The following CHSY1 variants were observed in gnomAD, a reference collection of about 807,000 sequenced individuals.
CHSY1 encodes N-acetylgalactosaminyl-proteoglycan 3-beta-glucuronosyltransferase 1.
Under a neutral mutation model 59.8 loss-of-function variants are expected in CHSY1, and 13 were observed. The observed-to-expected ratio is 0.22, with a 90% CI of 0.14 to 0.35. The LOEUF (loss-of-function observed/expected upper bound fraction) is 0.35. Among genes scored for constraint, CHSY1 ranks in the 10% least tolerant of loss-of-function variants. CHSY1 has a pLI of 1.00. For missense variants in CHSY1, 947 were observed against 1,030.6 expected, an observed-to-expected ratio of 0.92 and a Z score of 1.11; for synonymous variants, 459 against 401.2, an observed-to-expected ratio of 1.14 and a Z score of -1.72.
At chr15:101,237,381 G>A (rs940500483) in intron 1 of CHSY1, among the ~76,000 whole-genome samples, 6 of 152,254 alleles carry the variant, frequency 3.9e-5, no homozygotes, top group Admixed American at 3.3e-4. Flanking sequence ...AACTCCCTAG[G>A]AATGGAGAAG....
chr15:101,202,715 T>G (rs1450437560), intron 2 of CHSY1, among the ~76,000 whole-genome samples: 1 of 152,090 alleles, frequency 6.6e-6, no homozygotes, highest in African/African-American at 2.4e-5. Flanking sequence ...TCATTTAGGA[T>G]TTTTTTTAAC....
intron 2 of CHSY1, among the ~76,000 whole-genome samples, chr15:101,203,059 G>A (rs988457316): frequency 3.3e-5 from 5 of 152,154 alleles, no homozygotes; most frequent in African/African-American, 9.7e-5. Context: ...ATTCAGTAAC[G>A]GCTATTTTCA....
intron 2 of CHSY1, among the ~76,000 whole-genome samples, chr15:101,191,476 T>C (rs112728325): frequency 2.7e-4 from 41 of 152,350 alleles, no homozygotes; most frequent in Middle Eastern, 3.4e-3. Flanking sequence ...AACTGTTCTG[T>C]ATGATACATA....
chr15:101,238,972 C>A (rs1431270047), intron 1 of CHSY1, among the ~76,000 whole-genome samples: 1 of 152,206 alleles, frequency 6.6e-6, no homozygotes, highest in Non-Finnish European at 1.5e-5. Context: ...TATACAGAGT[C>A]TTCTGATGCG....
chr15:101,178,385 G>A lies in CHSY1; in HGVS notation c.1412C>T (p.Ala471Val), dbSNP rs762751105. 1.9e-5 allele frequency: 30 copies of A among 1,611,052 alleles called. No homozygotes were observed. Among genetic ancestry groups the A allele is most frequent in the African/African-American group, 5.3e-5 (4 of 74,842 alleles). The change falls in exon 3 of 3, where the codon GCG becomes GTG. Residue 471 changes from alanine to valine, a missense_variant. Ala to Val is a moderately conservative substitution (Grantham distance 64). Transcript: ENST00000254190. The part of the protein sequence containing the change: ...KKMTVPVRRH[A>V]YLQQTFSKIQ... ...TTTGCTGAAAGTCTGCTGTAAATAC[G>A]CGTGCCTCCTCACAGGGACCGTCAT...
chr15:101,205,052 TTAAC>T (rs1211607837), intron 2 of CHSY1, among the ~76,000 whole-genome samples: 7 of 152,352 alleles, frequency 4.6e-5, no homozygotes, highest in Admixed American at 2.0e-4. Context: ...AAACAGCTCT[TTAAC>T]TACTCAGAGA....
At chr15:101,232,713 T>TA (rs1352048571) in intron 2 of CHSY1, among the ~76,000 whole-genome samples, 2 of 152,236 alleles carry the variant, frequency 1.3e-5, no homozygotes, top group Admixed American at 6.5e-5. Flanking sequence ...TGAGAAAAGA[T>TA]ACTCTATCCA....
At chr15:101,224,838 C>T (rs928016164) in intron 2 of CHSY1, among the ~76,000 whole-genome samples, 4 of 152,194 alleles carry the variant, frequency 2.6e-5, no homozygotes, top group African/African-American at 9.7e-5. Context: ...CTCACCTGTT[C>T]CTTTTCAAAC....
chr15:101,237,344 A>C (rs2141276955), intron 1 of CHSY1, among the ~76,000 whole-genome samples: 2 of 152,272 alleles, frequency 1.3e-5, no homozygotes, highest in South Asian at 4.1e-4. Flanking sequence ...ATGCGGCAGA[A>C]GACAAGATTA....
At chr15:101,208,712 CA>C (rs35276997) in intron 2 of CHSY1, among the ~76,000 whole-genome samples, 8,510 of 114,816 alleles carry the variant, frequency 0.074, 312 homozygotes, top group Non-Finnish European at 0.11. Context: ...GGCTCCATCT[CA>C]AAAAAAAAAA....
At chr15:101,190,235 G>T (rs2038426459) in intron 2 of CHSY1, among the ~76,000 whole-genome samples, 1 of 127,622 alleles carries the variant, frequency 7.8e-6, no homozygotes, top group African/African-American at 2.9e-5. Flanking sequence ...ACTGAGGGAA[G>T]AAGAGGGAGT....
chr15:101,230,266 A>G (rs1294859198), intron 2 of CHSY1, among the ~76,000 whole-genome samples: 1 of 152,136 alleles, frequency 6.6e-6, no homozygotes, highest in Non-Finnish European at 1.5e-5. Flanking sequence ...AACATGCAGC[A>G]TTAGTGCTCA....
intron 1 of CHSY1, among the ~76,000 whole-genome samples, chr15:101,236,988 G>A (rs1316205772): frequency 6.6e-6 from 1 of 151,762 alleles, no homozygotes; most frequent in African/African-American, 2.4e-5. Flanking sequence ...AGGAGGCCGA[G>A]GCAGGCAGAT....
intron 2 of CHSY1, among the ~76,000 whole-genome samples, chr15:101,226,161 C>G (rs2038839772): frequency 6.6e-6 from 1 of 152,198 alleles, no homozygotes; most frequent in South Asian, 2.1e-4. Flanking sequence ...AATGTTACTA[C>G]AAAGCATATT....
chr15:101,221,217 G>A (rs960244864), intron 2 of CHSY1, among the ~76,000 whole-genome samples: 1 of 152,206 alleles, frequency 6.6e-6, no homozygotes, highest in Non-Finnish European at 1.5e-5. Flanking sequence ...TAACAGGCCG[G>A]GTGCGGTGGC....
rs1457164769 is a variant in CHSY1, at chr15:101,177,782, T to C, written c.2015A>G (p.Lys672Arg). The C allele has an allele frequency of 6.2e-7, 1 of 1,614,230 alleles. No homozygotes were observed. The highest frequency in any genetic ancestry group is 1.6e-4 in the Middle Eastern group (1 of 6,062). ...GGCAAAATGGTTGTCACTGGGAACT[T>C]TCCCACTATAAACAATCTTTGGGTC... ...QYDPKIVYSG[K>R]VPSDNHFAFT... Residue 672 changes from lysine to arginine, a missense_variant, in exon 3 of 3, where the codon AAA becomes AGA. Transcript: ENST00000254190.
chr15:101,191,514 T>G (rs1447366355), intron 2 of CHSY1, among the ~76,000 whole-genome samples: 1 of 152,226 alleles, frequency 6.6e-6, no homozygotes, highest in African/African-American at 2.4e-5. Flanking sequence ...TAAACTTGTT[T>G]AAACCCACAG....
chr15:101,205,881 G>A (rs1307681446), intron 2 of CHSY1, among the ~76,000 whole-genome samples: 1 of 152,084 alleles, frequency 6.6e-6, no homozygotes, highest in Non-Finnish European at 1.5e-5. Flanking sequence ...GAACCCAGGA[G>A]GCGGAGCTTG....
At chr15:101,249,589 T>C (rs1008453956) in intron 1 of CHSY1, among the ~76,000 whole-genome samples, 4 of 148,704 alleles carry the variant, frequency 2.7e-5, no homozygotes, top group Middle Eastern at 3.5e-3. Context: ...TCTTGGCTCA[T>C]TGCAACCTCC....
Sources: gnomAD v4.1 joint callset for allele counts (sites outside exome capture counted in the v4.1 genomes callset) on GRCh38, gnomAD v4.1.1 for gene constraint, MANE v1.5 for transcripts, NCBI Gene and HGNC (gene_info 2026-07-23, HGNC 2026-07-21) for gene names.